Variants in CCDC102B observed in about 807,000 individuals in gnomAD.
CCDC102B encodes the protein coiled-coil domain-containing protein 102B.
CCDC102B carries 75 observed loss-of-function variants against 57.4 expected under a neutral mutation model. The observed-to-expected ratio is 1.31, with a 90% CI of 1.08 to 1.58. The LOEUF (loss-of-function observed/expected upper bound fraction) is 1.58. Ranked by LOEUF, CCDC102B falls within the 40% of genes most tolerant of loss-of-function variation. The pLI, the probability that CCDC102B is intolerant of heterozygous loss-of-function variation, is 0.00. For synonymous variants in CCDC102B, 206 were observed against 201.9 expected (o/e 1.02, Z -0.17); for missense variants, 636 against 582.6 (o/e 1.09, Z -0.94).
At chr18:68,835,310 A>G (rs1406338992) in intron 1 of CCDC102B, among the ~76,000 whole-genome samples, 1 of 152,288 alleles carries the variant, frequency 6.6e-6, no homozygotes. Context: ...TTTCTAAGCG[A>G]TAGTCATAAC....
At chr18:68,800,985 T>G (rs1178307023) in intron 1 of CCDC102B, among the ~76,000 whole-genome samples, 1 of 152,144 alleles carries the variant, frequency 6.6e-6, no homozygotes, top group Non-Finnish European at 1.5e-5. Flanking sequence ...GAAATAAAAA[T>G]TATAGCTTAT....
chr18:68,876,379 A>G (rs2039449668), intron 5 of CCDC102B, among the ~76,000 whole-genome samples: 1 of 152,160 alleles, frequency 6.6e-6, no homozygotes, highest in Non-Finnish European at 1.5e-5. Flanking sequence ...CTGTACAGCA[A>G]ATGTGAATGA....
chr18:69,023,915 C>A (rs2051915219), intron 7 of CCDC102B, among the ~76,000 whole-genome samples: 1 of 151,736 alleles, frequency 6.6e-6, no homozygotes, highest in Non-Finnish European at 1.5e-5. Context: ...CCTGATGAAC[C>A]TTTTTAACAT....
intron 4 of CCDC102B, chr18:68,866,928 G>A: frequency 1.9e-6 from 1 of 527,306 alleles, no homozygotes; most frequent in Non-Finnish European, 3.7e-6. Context: ...CCCTTGATGT[G>A]GTACCCGGGA....
chr18:68,912,746 T>G (rs1821791846), intron 6 of CCDC102B, among the ~76,000 whole-genome samples: 1 of 152,214 alleles, frequency 6.6e-6, no homozygotes, highest in Non-Finnish European at 1.5e-5. Flanking sequence ...GATTCATGCT[T>G]ATTATTTGAT....
At chr18:68,947,310 A>G (rs1429849092) in intron 6 of CCDC102B, among the ~76,000 whole-genome samples, 2 of 152,068 alleles carry the variant, frequency 1.3e-5, no homozygotes, top group African/African-American at 4.8e-5. Context: ...AAGTAAATGA[A>G]AATACTTAAA....
At chr18:68,876,864 T>C (rs998346549) in intron 5 of CCDC102B, among the ~76,000 whole-genome samples, 2 of 152,188 alleles carry the variant, frequency 1.3e-5, no homozygotes, top group Admixed American at 6.5e-5. Context: ...ATATACTTTC[T>C]GGTCATTTAG....
intron 2 of CCDC102B, among the ~76,000 whole-genome samples, chr18:68,729,289 T>C (rs778198694): frequency 4.6e-5 from 7 of 152,232 alleles, no homozygotes; most frequent in Non-Finnish European, 1.0e-4. Flanking sequence ...TATCTATCGA[T>C]TCAATGAAAT....
intron 6 of CCDC102B, among the ~76,000 whole-genome samples, chr18:68,994,273 T>C (rs1370763200): frequency 6.6e-6 from 1 of 152,232 alleles, no homozygotes; most frequent in Non-Finnish European, 1.5e-5. Flanking sequence ...TTTTGTGAAG[T>C]ATACAGTGAA....
At chr18:68,962,112 T>G (rs2050061284) in intron 6 of CCDC102B, among the ~76,000 whole-genome samples, 1 of 152,174 alleles carries the variant, frequency 6.6e-6, no homozygotes, top group African/African-American at 2.4e-5. Context: ...GATAATATTT[T>G]CTAATGTATT....
chr18:69,023,518 A>C lies in CCDC102B; in HGVS notation c.1434+12414A>C, dbSNP rs540209612. ...AATATTTAATCTAATCTTTATTATA[A>C]TCATATAAATGCTGAGTGCTACTGG... On this transcript the variant is annotated intron_variant, in intron 7 of 7. Coordinates refer to ENST00000360242, the MANE Select transcript of CCDC102B (RefSeq NM_024781.3). Among the ~76,000 whole-genome samples the C allele has an allele frequency of 5.3e-5, 8 of 151,770 alleles. No individual in the cohort carries two copies. The East Asian group carries it at 1.5e-3, about 29-fold the overall frequency.
At chr18:68,769,650 C>A (rs1383920999) in intron 2 of CCDC102B, among the ~76,000 whole-genome samples, 13 of 151,992 alleles carry the variant, frequency 8.6e-5, no homozygotes, top group Admixed American at 7.9e-4. Flanking sequence ...GCAAAACTCA[C>A]TGGCAGCTAG....
upstream of CCDC102B, among the ~76,000 whole-genome samples, chr18:68,797,043 A>G (rs756272419): frequency 4.5e-4 from 69 of 152,086 alleles, no homozygotes; most frequent in Non-Finnish European, 2.6e-4. Context: ...AATGTATGGT[A>G]TTTAACATCA....
chr18:68,768,887 TG>T (rs2034548687), intron 2 of CCDC102B, among the ~76,000 whole-genome samples: 1 of 152,038 alleles, frequency 6.6e-6, no homozygotes, highest in Admixed American at 6.6e-5. Context: ...TAACAAGTAA[TG>T]GAAGTTATCA....
chr18:68,955,005 TAAATC>T lies in CCDC102B; in HGVS notation c.1264-55925_1264-55921del, dbSNP rs566671614. On this transcript the variant is annotated intron_variant, in intron 6 of 7. Transcript: ENST00000360242. ...TCTATGGTTGTATCTTGCCAGCTGTTAAATCAAAGCATAGAGCTACTATCACACCT... is the reference window on the plus strand; with the variant it reads ...TCTATGGTTGTATCTTGCCAGCTGTTAAAGCATAGAGCTACTATCACACCT... Among the ~76,000 whole-genome samples the T allele has an allele frequency of 4.6e-5, 7 of 152,312 alleles. No individual in the cohort carries two copies. In the South Asian group the frequency reaches 1.2e-3, roughly 27 times the overall value.
In CCDC102B at chr18:68,836,838, A is replaced by G; in HGVS notation, c.75A>G (p.Ser25=). 6.2e-7 allele frequency: 1 copy of G among 1,614,090 alleles called. No homozygotes were observed. The highest frequency in any genetic ancestry group is 1.6e-4 in the Middle Eastern group (1 of 6,062). ...AGATGCAACAATCATCAATTAAGTC[A>G]CGCGGCGACATGGTGGCACCTGCCT... ...IFQMQQSSIK[S]RGDMVAPASP... The change falls in exon 2 of 8, where the codon TCA becomes TCG. Residue 25 remains serine (S), a synonymous_variant. Coordinates refer to ENST00000360242, the MANE Select transcript of CCDC102B (RefSeq NM_024781.3).
chr18:68,841,889 G>A (rs559047520), intron 3 of CCDC102B, among the ~76,000 whole-genome samples: 20 of 151,922 alleles, frequency 1.3e-4, no homozygotes, highest in Middle Eastern at 6.8e-3. Flanking sequence ...GTGCCACCAC[G>A]CCTGGCTAAT....
At chr18:68,945,599 T>A (rs946971951) in intron 6 of CCDC102B, among the ~76,000 whole-genome samples, 1 of 152,102 alleles carries the variant, frequency 6.6e-6, no homozygotes, top group African/African-American at 2.4e-5. Flanking sequence ...GTTAAAACTG[T>A]TCTTAATAAT....
At chr18:68,758,890 A>G (rs1196444753) in intron 2 of CCDC102B, among the ~76,000 whole-genome samples, 1 of 151,792 alleles carries the variant, frequency 6.6e-6, no homozygotes, top group Non-Finnish European at 1.5e-5. Flanking sequence ...AACAAATAAA[A>G]ATACAACAAC....
Sources: allele counts gnomAD v4.1 joint callset (sites outside exome capture counted in the v4.1 genomes callset), GRCh38; gene constraint gnomAD v4.1.1; transcripts MANE v1.5; gene names NCBI Gene and HGNC (gene_info 2026-07-23, HGNC 2026-07-21).